FAM174A: variants seen among roughly 807,000 people sequenced by gnomAD.
FAM174A encodes family with sequence similarity 174 member A, also known as membrane protein FAM174A.
A neutral mutation model predicts 14.3 loss-of-function variants in FAM174A; 14 were observed. The observed-to-expected ratio is 0.98, with a 90% CI of 0.65 to 1.53. FAM174A has a LOEUF of 1.53. Among genes scored for constraint, FAM174A ranks in the 40% most tolerant of loss-of-function variants. The pLI is 0.00. For synonymous variants in FAM174A, 108 were observed against 111.4 expected, an observed-to-expected ratio of 0.97 and a Z score of 0.19; for missense variants, 241 against 249.6, an observed-to-expected ratio of 0.97 and a Z score of 0.23.
chr5:100,541,132 A>G (rs1178362183), intron 1 of FAM174A, among the ~76,000 whole-genome samples: 1 of 152,196 alleles, frequency 6.6e-6, no homozygotes, highest in Non-Finnish European at 1.5e-5. Context: ...ATAAATTTGA[A>G]TGACTGTTAT....
chr5:100,570,694 G>C (rs1561321747), intron 2 of FAM174A, among the ~76,000 whole-genome samples: 1 of 151,868 alleles, frequency 6.6e-6, no homozygotes, highest in African/African-American at 2.4e-5. Flanking sequence ...ATTGCTAATA[G>C]GTGGATTTTA....
chr5:100,560,118 G>C (rs1020709328), intron 1 of FAM174A, among the ~76,000 whole-genome samples: 1 of 152,046 alleles, frequency 6.6e-6, no homozygotes, highest in African/African-American at 2.4e-5. Context: ...ACGTACAGAT[G>C]GGGTTTTGGT....
At chr5:100,570,595 T>A (rs1440289333) in intron 2 of FAM174A, among the ~76,000 whole-genome samples, 2 of 151,936 alleles carry the variant, frequency 1.3e-5, no homozygotes, top group African/African-American at 4.8e-5. Context: ...CCAGAACAGC[T>A]ATATAATGCC....
In FAM174A at chr5:100,535,478, C is replaced by A; in HGVS notation, c.-53C>A. The A allele has an allele frequency of 6.3e-7, 1 of 1,593,012 alleles. No individual in the cohort carries two copies. The highest frequency in any genetic ancestry group is 8.6e-7 in the Non-Finnish European group (1 of 1,166,658). On this transcript the variant is annotated 5_prime_UTR_variant, in exon 1 of 3. Transcript: ENST00000312637. ...ACCGCGCCTATGGTCCCTCTTGGAG[C>A]CAGCGTGGCGGGCCTGGCGGCTCCC...
At chr5:100,556,783 C>T (rs531602440) in intron 1 of FAM174A, among the ~76,000 whole-genome samples, 1 of 152,314 alleles carries the variant, frequency 6.6e-6, no homozygotes, top group Admixed American at 6.5e-5. Flanking sequence ...GATTTTTGCA[C>T]ACTGATTTTG....
Position 100,535,959 on chromosome 5 carries a change from G to A in FAM174A, c.429G>A (p.Thr143=), listed in dbSNP as rs776908556. 6 of 1,575,330 alleles carry A rather than the reference G, an allele frequency of 3.8e-6. No individual in the cohort carries two copies. The highest frequency in any genetic ancestry group is 1.1e-5 in the South Asian group (1 of 87,474). Reference sequence around the variant, plus strand: ...TGCTGGTGTACTTCGTGGTCAGGACGGTCAGGTGAGGCAAAGCCTCGGTGG... The same window carrying A: ...TGCTGGTGTACTTCGTGGTCAGGACAGTCAGGTGAGGCAAAGCCTCGGTGG... ...GAVLVYFVVR[T]VRMRRRNRKT... is the part of the protein sequence containing the mutation. The change falls in exon 1 of 3, where the codon ACG becomes ACA. Residue 143 remains threonine, a synonymous_variant. Coordinates refer to ENST00000312637, the MANE Select transcript of FAM174A (RefSeq NM_198507.3).
intron 2 of FAM174A, among the ~76,000 whole-genome samples, chr5:100,563,436 A>ATAC (rs1273990516): frequency 8.6e-5 from 13 of 151,886 alleles, no homozygotes; most frequent in African/African-American, 1.4e-4. Flanking sequence ...TAAAGGAGTC[A>ATAC]ATTCACCAGG....
At chr5:100,557,444 G>A (rs1221404083) in intron 1 of FAM174A, among the ~76,000 whole-genome samples, 2 of 152,102 alleles carry the variant, frequency 1.3e-5, no homozygotes, top group African/African-American at 4.8e-5. Context: ...GACGATGCTG[G>A]CCTCATAAAA....
At chr5:100,561,724 A>G (rs1746525961) in intron 1 of FAM174A, among the ~76,000 whole-genome samples, 1 of 151,854 alleles carries the variant, frequency 6.6e-6, no homozygotes, top group Admixed American at 6.6e-5. Context: ...GGTTTCAGTA[A>G]AGAAGTACCT....
intron 2 of FAM174A, among the ~76,000 whole-genome samples, chr5:100,573,216 G>A (rs1746829101): frequency 6.6e-6 from 1 of 151,944 alleles, no homozygotes; most frequent in South Asian, 2.1e-4. Context: ...TGTTCACTCT[G>A]ATGGTAGTTT....
At chr5:100,542,591 CA>C (rs1561311879) in intron 1 of FAM174A, among the ~76,000 whole-genome samples, 1 of 152,222 alleles carries the variant, frequency 6.6e-6, no homozygotes, top group Non-Finnish European at 1.5e-5. Flanking sequence ...CAACACTGAA[CA>C]GATGGTGTTC....
intron 2 of FAM174A, among the ~76,000 whole-genome samples, chr5:100,570,948 GT>G (rs1208071885): frequency 6.6e-6 from 1 of 151,538 alleles, no homozygotes; most frequent in East Asian, 1.9e-4. Context: ...GAAAGTGATT[GT>G]TTTTTTCCTT....
intron 2 of FAM174A, chr5:100,581,413 C>A: frequency 1.0e-6 from 1 of 982,090 alleles, no homozygotes; most frequent in Non-Finnish European, 1.2e-6. Flanking sequence ...GAGTAGGTGG[C>A]AATTGAGTTA....
rs531628981 is a variant in FAM174A, at chr5:100,556,420, T to C, written c.435-5634T>C. Among the ~76,000 whole-genome samples, 9 of 152,318 alleles carry C rather than the reference T, an allele frequency of 5.9e-5. 1 individual carries two copies. In the South Asian group the frequency reaches 1.9e-3, roughly 32 times the overall value. On this transcript the variant is annotated intron_variant, in intron 1 of 2. Coordinates refer to ENST00000312637, the MANE Select transcript of FAM174A (RefSeq NM_198507.3). ...TTTTGGCTTAGGATTGACTTGGCGA[T>C]GTGGGCTCTTTTTTGGTTCCATATG...
intron 1 of FAM174A, among the ~76,000 whole-genome samples, chr5:100,557,273 G>C (rs150127811): frequency 5.9e-5 from 9 of 151,822 alleles, no homozygotes; most frequent in South Asian, 4.2e-4. Context: ...GCCTTGCATC[G>C]CAGGGATGAA....
intron 2 of FAM174A, among the ~76,000 whole-genome samples, chr5:100,584,480 T>C (rs1747089032): frequency 1.3e-5 from 2 of 152,224 alleles, no homozygotes; most frequent in Non-Finnish European, 2.9e-5. Context: ...GCTTCTCCTT[T>C]TAGCTTGACA....
chr5:100,575,569 A>C (rs1457387546), intron 2 of FAM174A, among the ~76,000 whole-genome samples: 2 of 152,066 alleles, frequency 1.3e-5, no homozygotes, highest in Admixed American at 6.6e-5. Flanking sequence ...TGTCCCTAAA[A>C]CCATAAAAAC....
Position 100,541,645 on chromosome 5 carries a change from A to C in FAM174A, c.434+5681A>C, listed in dbSNP as rs568395177. Among the ~76,000 whole-genome samples the C allele has an allele frequency of 2.6e-5, 4 of 152,228 alleles. No homozygotes were observed. The South Asian group carries it at 8.3e-4, about 32-fold the overall frequency. On this transcript the variant is annotated intron_variant, in intron 1 of 2. Transcript: ENST00000312637. Reference sequence around the variant, plus strand: ...ATGGGAAAGGAAGATACCTAAGAAGACATTAAGGAGGGAATCTAAATAAAG... The same window carrying C: ...ATGGGAAAGGAAGATACCTAAGAAGCCATTAAGGAGGGAATCTAAATAAAG...
intron 2 of FAM174A, among the ~76,000 whole-genome samples, chr5:100,562,581 TGTGTGTGTGCATGTGTGTTTGTGTGC>T (rs980219117): frequency 3.3e-5 from 5 of 151,558 alleles, no homozygotes; most frequent in African/African-American, 1.2e-4. Flanking sequence ...TTAACTTGGG[TGTGTGTGTGCATGTGTGTTTGTGTGC>T]GTGTGTGTTT....
Sources: allele counts gnomAD v4.1 joint callset (sites outside exome capture counted in the v4.1 genomes callset), GRCh38; gene constraint gnomAD v4.1.1; transcripts MANE v1.5; gene names NCBI Gene and HGNC (gene_info 2026-07-23, HGNC 2026-07-21).